Variants in TM6SF2 observed in about 807,000 individuals in gnomAD.
TM6SF2 encodes transmembrane 6 superfamily member 2.
In TM6SF2, 29 loss-of-function variants were observed where a neutral mutation model predicts 41.0. The ratio of observed to expected loss-of-function variants is 0.71; its 90% CI spans 0.53 to 0.96. The LOEUF (loss-of-function observed/expected upper bound fraction) is 0.96, where lower values mean the gene tolerates loss of function less well. TM6SF2 is among the 50% of genes least tolerant of loss of function. The pLI is 0.00. For missense variants in TM6SF2, 475 were observed against 499.0 expected (o/e 0.95, Z 0.46); for synonymous variants, 200 against 209.1 (o/e 0.96, Z 0.37).
At chr19:19,266,801 A>C in intron 8 of TM6SF2, 192 bp from the exon 9 acceptor site, 3 of 571,442 alleles carry the variant, frequency 5.2e-6, no homozygotes, top group Non-Finnish European at 6.0e-6. Context: ...ACATACACCA[A>C]ACCTACTAAC....
chr19:19,264,588 C>T lies in TM6SF2; in HGVS notation c.*76G>A. The T allele has an allele frequency of 7.8e-7, 1 of 1,284,038 alleles. No homozygotes were observed. Among genetic ancestry groups the T allele is most frequent in the Admixed American group, 3.5e-5 (1 of 28,748 alleles). 79.5% of individuals were successfully genotyped at this position (1,284,038 alleles called of 1,614,324 possible). A position where few individuals can be genotyped will look rare whatever the true frequency, so the allele number is the denominator to read the frequency against. ...GGAGATGTCCCTCCTGTCTCTAAAACACCCAACCCCCGCTTCCCCAGGTAG... is the reference window on the plus strand; with the variant it reads ...GGAGATGTCCCTCCTGTCTCTAAAATACCCAACCCCCGCTTCCCCAGGTAG... On this transcript the variant is annotated 3_prime_UTR_variant, in exon 10 of 10. Coordinates refer to ENST00000389363, the MANE Select transcript of TM6SF2 (RefSeq NM_001001524.3).
chr19:19,267,685 C>A lies in TM6SF2; in HGVS notation c.740G>T (p.Cys247Phe), dbSNP rs763346894. 13 of 1,613,892 alleles carry A rather than the reference C, an allele frequency of 8.1e-6. No individual in the cohort carries two copies. The African/African-American group carries it at 1.7e-4, about 22-fold the overall frequency. The change falls in exon 8 of 10, where the codon TGC (cysteine) becomes TTC (phenylalanine). Residue 247 changes from cysteine (C) to phenylalanine (F), a missense_variant. By Grantham distance (205) the Cys-to-Phe change is radical (BLOSUM62 -2). Coordinates refer to ENST00000389363, the MANE Select transcript of TM6SF2 (RefSeq NM_001001524.3). The part of the protein sequence containing the change: ...LVVLDCPTDA[C>F]FVYIYQYEPY... ...CTCATACTGGTAGATATAGACAAAG[C>A]AGGCATCTGTGGGGCAATCAAGCAC... is the stretch of plus-strand genomic sequence containing the variant.
rs973351599 is a variant in TM6SF2 at position 19,273,123 on chromosome 19, C to A, written c.93G>T (p.Ser31=). 2.9e-5 allele frequency: 43 copies of A among 1,484,858 alleles called. No individual in the cohort carries two copies. The Admixed American group carries it at 3.8e-4, about 13-fold the overall frequency. 92.0% of individuals were successfully genotyped at this position (1,484,858 alleles called of 1,614,324 possible). Residue 31 remains serine (S), a splice_region_variant and synonymous_variant, in exon 1 of 10, where the codon TCG becomes TCT. Coordinates refer to ENST00000389363, the MANE Select transcript of TM6SF2 (RefSeq NM_001001524.3). ...CCCTGGCCCCTCTCCGCACGCACTG[C>A]GAGAGCGCCGAGACGTGGTTGAGCG... is the stretch of plus-strand genomic sequence containing the variant. ...SYALNHVSAL[S]HPLWVALMSA...
chr19:19,265,407 C>CTATCTATTT (rs1478604397), intron 9 of TM6SF2, among the ~76,000 whole-genome samples: 4,301 of 87,690 alleles, frequency 0.049, 99 homozygotes, highest in Middle Eastern at 0.092. Flanking sequence ...TCTATCTATC[C>CTATCTATTT]ATCCATCCAT....
intron 2 of TM6SF2, 80 bp from the exon 3 acceptor site, chr19:19,270,522 T>G: frequency 6.7e-7 from 1 of 1,498,904 alleles, no homozygotes; most frequent in Non-Finnish European, 9.0e-7. Context: ...GGGCGGGGCT[T>G]GAAGTTAAGG....
intron 1 of TM6SF2, 30 bp downstream of exon 1, chr19:19,273,091 A>G: frequency 1.3e-5 from 2 of 148,772 alleles, no homozygotes; most frequent in Non-Finnish European, 2.0e-5. Flanking sequence ...CACTGTCCCC[A>G]AGGCCGCCCT....
intron 1 of TM6SF2, among the ~76,000 whole-genome samples, chr19:19,271,689 C>T (rs1416127881): frequency 1.3e-5 from 2 of 152,048 alleles, no homozygotes; most frequent in Non-Finnish European, 1.5e-5. Context: ...CACCACCACA[C>T]CCGGCTAATT....
intron 9 of TM6SF2, 142 bp downstream of exon 9, chr19:19,266,348 G>C: frequency 8.1e-7 from 1 of 1,238,878 alleles, no homozygotes. Context: ...CCCTAGACTA[G>C]GGAATCCTGG....
intron 5 of TM6SF2, among the ~76,000 whole-genome samples, chr19:19,269,418 C>T (rs1160006499): frequency 6.6e-6 from 1 of 152,198 alleles, no homozygotes; most frequent in Non-Finnish European, 1.5e-5. Context: ...CCTAAAATTC[C>T]CTTCCTGTGT....
chr19:19,273,061 T>TGGGCCCCCC, intron 1 of TM6SF2, 60 bp downstream of exon 1: 1 of 305,468 alleles, frequency 3.3e-6, no homozygotes, highest in Non-Finnish European at 6.1e-6. Context: ...CCTCCAGTCC[T>TGGGCCCCCC]CCCCGCCCCC....
In TM6SF2 at chr19:19,268,552, A is replaced by C. The variant is rs535612648; in HGVS notation, c.609+78T>G. The C allele has an allele frequency of 1.7e-5, 26 of 1,489,672 alleles. No homozygotes were observed. In the South Asian group the frequency reaches 2.6e-4, roughly 15 times the overall value. The allele number at this position is 1,489,672 out of a possible 1,614,324, so 92.3% of individuals were successfully genotyped here. ...AAAGGAGAACCTTCCACAGAAATTA[A>C]GTCTTTGACCAAAAGCAACTGACAC... is the stretch of plus-strand genomic sequence containing the variant. On this transcript the variant is annotated intron_variant, in intron 6 of 9. Transcript: ENST00000389363.
At chr19:19,270,494 G>GGGGACACGTGTGGGTT in intron 2 of TM6SF2, 52 bp from the exon 3 acceptor site, 2 of 1,566,396 alleles carry the variant, frequency 1.3e-6, no homozygotes, top group Non-Finnish European at 1.7e-6. Flanking sequence ...ACGTGTGGGT[G>GGGGACACGTGTGGGTT]GGGCTAGGGC....
chr19:19,271,881 C>CA (rs2061025484), intron 1 of TM6SF2, among the ~76,000 whole-genome samples: 1 of 152,210 alleles, frequency 6.6e-6, no homozygotes, highest in Non-Finnish European at 1.5e-5. Context: ...GTGTTTGACT[C>CA]AGTCTGTTCA....
chr19:19,268,281 C>G (rs903910405), intron 6 of TM6SF2, among the ~76,000 whole-genome samples, 194 bp from the exon 7 acceptor site: 4 of 150,470 alleles, frequency 2.7e-5, no homozygotes, highest in African/African-American at 9.8e-5. Context: ...TCTCAGCTCA[C>G]TGCAGCCTTA....
chr19:19,266,856 C>A (rs1271284125), intron 8 of TM6SF2: 6 of 425,824 alleles, frequency 1.4e-5, no homozygotes, highest in Non-Finnish European at 2.6e-5. Flanking sequence ...CCAGTCGGAG[C>A]ATTCCAGCCC....
At position 19,264,627 on chromosome 19, in the gene TM6SF2, C is replaced by A. The variant is rs752203275; in HGVS notation, c.*37G>T. Reference sequence around the variant, plus strand: ...TTCCCCAGGTAGGGCTGACTGGGCACGTAAACAGAGTCCTGGGTCCTGAGT... The same window carrying A: ...TTCCCCAGGTAGGGCTGACTGGGCAAGTAAACAGAGTCCTGGGTCCTGAGT... On this transcript the variant is annotated 3_prime_UTR_variant, in exon 10 of 10. Coordinates refer to ENST00000389363, the MANE Select transcript of TM6SF2 (RefSeq NM_001001524.3). 7.1e-7 allele frequency: 1 copy of A among 1,400,576 alleles called. No individual in the cohort carries two copies. Among genetic ancestry groups the A allele is most frequent in the Non-Finnish European group, 9.4e-7 (1 of 1,068,842 alleles). 86.8% of individuals were successfully genotyped at this position (1,400,576 alleles called of 1,614,324 possible).
chr19:19,270,379 T>C lies in TM6SF2; in HGVS notation c.263A>G (p.Tyr88Cys). Residue 88 changes from tyrosine (Y) to cysteine (C), a missense_variant, in exon 3 of 10, where the codon TAT becomes TGT. By Grantham distance (194) the Tyr-to-Cys change is radical (BLOSUM62 -2). Transcript: ENST00000389363. ...DLIIALQEDS[Y>C]VVGFMEFYTK... Reference sequence around the variant, plus strand: ...GTAGAACTCCATGAAGCCCACCACATAGCTGTCTTCCTGAAGAGCGATGAT... The same window carrying C: ...GTAGAACTCCATGAAGCCCACCACACAGCTGTCTTCCTGAAGAGCGATGAT... 1.2e-6 allele frequency: 2 copies of C among 1,614,074 alleles called. No individual in the cohort carries two copies. The highest frequency in any genetic ancestry group is 2.7e-5 in the African/African-American group (2 of 75,008).
chr19:19,273,269 G>A lies in TM6SF2; in HGVS notation c.-54C>T. 7.9e-7 allele frequency: 1 copy of A among 1,265,976 alleles called. No individual in the cohort carries two copies. Among genetic ancestry groups the A allele is most frequent in the Non-Finnish European group, 1.0e-6 (1 of 990,196 alleles). 78.4% of individuals were successfully genotyped at this position (1,265,976 alleles called of 1,614,324 possible). A position where few individuals can be genotyped will look rare whatever the true frequency, so the allele number is the denominator to read the frequency against. The stretch of plus-strand genomic sequence containing the variant: ...CCCGACGCGTTCTCCAGGGCGCTCG[G>A]CTCCTCGTTGGCGGCGAGTCCGGGC... On this transcript the variant is annotated 5_prime_UTR_variant, in exon 1 of 10. Transcript: ENST00000389363.
In TM6SF2 at chr19:19,264,951, G is replaced by A. The variant is rs143598956; in HGVS notation, c.925-78C>T. 2.0e-4 allele frequency: 231 copies of A among 1,175,374 alleles called. 1 individual carries two copies. In the African/African-American group the frequency reaches 3.3e-3, roughly 17 times the overall value. 72.8% of individuals were successfully genotyped at this position (1,175,374 alleles called of 1,614,324 possible). A position where few individuals can be genotyped will look rare whatever the true frequency, so the allele number is the denominator to read the frequency against. ...CCCAGCATCACCGACAGCCCCCCAG[G>A]TAGGTCAGGCAGAACCCAGGGGATG... On this transcript the variant is annotated intron_variant, in intron 9 of 9. Coordinates refer to ENST00000389363, the MANE Select transcript of TM6SF2 (RefSeq NM_001001524.3).
Sources: gnomAD v4.1 joint callset for allele counts (sites outside exome capture counted in the v4.1 genomes callset) on GRCh38, gnomAD v4.1.1 for gene constraint, MANE v1.5 for transcripts, NCBI Gene and HGNC (gene_info 2026-07-23, HGNC 2026-07-21) for gene names.